Variants in IGSF8 observed in about 807,000 individuals in gnomAD.
IGSF8 encodes immunoglobulin superfamily member 8.
A neutral mutation model predicts 55.5 loss-of-function variants in IGSF8; 46 were observed. That is an observed-to-expected ratio of 0.83 (90% CI 0.65 to 1.06). The LOEUF (loss-of-function observed/expected upper bound fraction) is 1.06, where lower values mean the gene tolerates loss of function less well. Ranked by LOEUF, IGSF8 falls within the 50% of genes least tolerant of loss-of-function variation. IGSF8 has a pLI of 0.00. For synonymous variants in IGSF8, 314 were observed against 356.1 expected (o/e 0.88, Z 1.33); for missense variants, 731 against 832.3 (o/e 0.88, Z 1.50).
At chr1:160,097,983 G>A in intron 1 of IGSF8, 1 of 985,476 alleles carries the variant, frequency 1.0e-6, no homozygotes, top group Non-Finnish European at 1.2e-6. Flanking sequence ...TGGCCTCTGG[G>A]CCTCCAGCCA....
chr1:160,095,347 G>A, intron 1 of IGSF8, 101 bp from the exon 2 acceptor site: 1 of 1,238,994 alleles, frequency 8.1e-7, no homozygotes, highest in Non-Finnish European at 1.1e-6. Flanking sequence ...AAAAGGAAAG[G>A]AGACCTGGGA....
rs749168724 is a variant in IGSF8 at position 160,095,042 on chromosome 1, A to T, written c.269T>A (p.Val90Asp). ...ACCCGCCACCACTCGGGACTTGAAG[A>T]CAGCATAGGAGAACTGGGTATCCTT... Reference protein sequence around the residue: ...STKDTQFSYAVFKSRVVAGEV... With the variant: ...STKDTQFSYADFKSRVVAGEV... The change falls in exon 2 of 7, where the codon GTC (valine) becomes GAC (aspartate). Residue 90 changes from valine (V) to aspartate (D), a missense_variant. Physicochemically the swap from Val to Asp is radical, Grantham distance 152 (BLOSUM62 -3). Transcript: ENST00000314485. 14 of 1,614,050 alleles carry T rather than the reference A, an allele frequency of 8.7e-6. No individual in the cohort carries two copies. The highest frequency in any genetic ancestry group is 1.6e-4 in the Middle Eastern group (1 of 6,084).
In IGSF8 at chr1:160,093,313, G is replaced by C; in HGVS notation, c.923C>G (p.Thr308Arg). 1 of 1,588,848 alleles carries C rather than the reference G, an allele frequency of 6.3e-7. No individual in the cohort carries two copies. Among genetic ancestry groups the C allele is most frequent in the Non-Finnish European group, 8.6e-7 (1 of 1,160,552 alleles). Residue 308 changes from threonine to arginine, a missense_variant, in exon 4 of 7, where the codon ACA (threonine) becomes AGA (arginine). Coordinates refer to ENST00000314485, the MANE Select transcript of IGSF8 (RefSeq NM_052868.6). ...VQTLSSQLAVTVGPGERRIGP... is the reference protein window; with the variant it reads ...VQTLSSQLAVRVGPGERRIGP... ...GATCCGACGTTCACCAGGCCCCACT[G>C]TCACTGCCAGCTGGCTGGCTGAAAC...
intron 1 of IGSF8, among the ~76,000 whole-genome samples, chr1:160,096,574 A>G (rs964029044): frequency 3.9e-5 from 6 of 151,980 alleles, no homozygotes; most frequent in African/African-American, 1.5e-4. Flanking sequence ...GAACTTCCCC[A>G]CCCCTGCTTC....
In IGSF8 at chr1:160,094,110, T is replaced by G; in HGVS notation, c.504A>C (p.Pro168=). Residue 168 remains proline, a synonymous_variant, in exon 3 of 7, where the codon CCA becomes CCC. Coordinates refer to ENST00000314485, the MANE Select transcript of IGSF8 (RefSeq NM_052868.6). This position sits in a 1 kb window ranked among gnomAD's most constrained non-coding sequence, Gnocchi z 4.0. ...APPGPRGRQA[P]TSPPRMTVHE... ...GCACCGTCATGCGTGGGGGTGAGGT[T>G]GGGGCCTGGCGGCCTCGGGGCCCTG... The G allele has an allele frequency of 6.2e-7, 1 of 1,610,546 alleles. No individual in the cohort carries two copies. The highest frequency in any genetic ancestry group is 2.2e-5 in the East Asian group (1 of 44,886).
intron 1 of IGSF8, chr1:160,095,450 G>A: frequency 1.6e-6 from 1 of 609,670 alleles, no homozygotes; most frequent in South Asian, 2.1e-5. Context: ...CATGGGCCCA[G>A]GATTGCCTTG....
rs201485931 is a variant in IGSF8 at position 160,093,993 on chromosome 1, G to A, written c.621C>T (p.Pro207=). 46 of 1,614,108 alleles carry A rather than the reference G, an allele frequency of 2.8e-5. No individual in the cohort carries two copies. The highest frequency in any genetic ancestry group is 1.8e-4 in the East Asian group (8 of 44,902). ...GAGTTGACCGCCCAACTGGTGCCTC[G>A]GGCACAGATCGCCCAAAGGACACTG... The part of the protein sequence containing the change: ...HLAVSFGRSV[P]EAPVGRSTLQ... Residue 207 remains proline, a synonymous_variant, in exon 3 of 7, where the codon CCC becomes CCT. Transcript: ENST00000314485.
chr1:160,096,159 C>A (rs539453971), intron 1 of IGSF8, among the ~76,000 whole-genome samples: 2 of 152,286 alleles, frequency 1.3e-5, no homozygotes, highest in South Asian at 4.1e-4. Context: ...CAACCCTACC[C>A]CAGCAGATAC....
intron 1 of IGSF8, chr1:160,097,596 TC>T (rs1220616349): frequency 4.1e-6 from 3 of 737,768 alleles, no homozygotes; most frequent in Non-Finnish European, 5.0e-6. Flanking sequence ...GCCATACTCT[TC>T]CCCAGACCAC....
chr1:160,093,854 G>C lies in IGSF8; in HGVS notation c.760C>G (p.Arg254Gly). ...GCCTGGGCACCCCCTACTACCATGCGGTACCGATCGGTCCCTTCCTTGCCC... is the reference window on the plus strand; with the variant it reads ...GCCTGGGCACCCCCTACTACCATGCCGTACCGATCGGTCCCTTCCTTGCCC... ...RLGKEGTDRY[R>G]MVVGGAQAGD... The change falls in exon 3 of 7, where the codon CGC (arginine) becomes GGC (glycine). Residue 254 changes from arginine to glycine, a missense_variant. By Grantham distance (125) the Arg-to-Gly change is moderately radical. Transcript: ENST00000314485. 1 of 1,614,186 alleles carries C rather than the reference G, an allele frequency of 6.2e-7. No individual in the cohort carries two copies. Among genetic ancestry groups the C allele is most frequent in the South Asian group, 1.1e-5 (1 of 91,090 alleles).
In IGSF8 at chr1:160,093,714, C is replaced by T. The variant is rs376825787; in HGVS notation, c.900G>A (p.Thr300=). 20 of 1,599,830 alleles carry T rather than the reference C, an allele frequency of 1.3e-5. No individual in the cohort carries two copies. The highest frequency in any genetic ancestry group is 1.1e-4 in the African/African-American group (8 of 74,770). Residue 300 remains threonine, a synonymous_variant, in exon 3 of 7, where the codon ACG becomes ACA. Transcript: ENST00000314485. ...GGATGTATAAGTGGCACTTACACAGCGTCTGCACATCCACGTGGGCCAGGA... is the reference window on the plus strand; with the variant it reads ...GGATGTATAAGTGGCACTTACACAGTGTCTGCACATCCACGTGGGCCAGGA... The part of the protein sequence containing the change: ...RAVLAHVDVQ[T]LSSQLAVTVG...
In IGSF8 at chr1:160,091,873, C is replaced by T; in HGVS notation, c.1792G>A (p.Val598Ile). ...TGVALVTGATVLGTITCCFMK... is the reference protein window; with the variant it reads ...TGVALVTGATILGTITCCFMK... ...AAGCAGCAAGTGATGGTACCAAGGACAGTGGCACCAGTGACTAGGGCCACC... is the reference window on the plus strand; with the variant it reads ...AAGCAGCAAGTGATGGTACCAAGGATAGTGGCACCAGTGACTAGGGCCACC... Residue 598 changes from valine (V) to isoleucine (I), a missense_variant, in exon 6 of 7, where the codon GTC (valine) becomes ATC (isoleucine). Coordinates refer to ENST00000314485, the MANE Select transcript of IGSF8 (RefSeq NM_052868.6). 1 of 1,614,040 alleles carries T rather than the reference C, an allele frequency of 6.2e-7. No individual in the cohort carries two copies. The highest frequency in any genetic ancestry group is 8.5e-7 in the Non-Finnish European group (1 of 1,179,954).
rs772283759 is a variant in IGSF8, at chr1:160,093,915, G to A, written c.699C>T (p.Pro233=). ...RSDLAVEAGA[P]YAERLAAGEL... ...CCCCTGCAGCCAATCGCTCAGCATA[G>A]GGAGCTCCAGCCTCCACGGCCAAGT... is the stretch of plus-strand genomic sequence containing the variant. Residue 233 remains proline (P), a synonymous_variant, in exon 3 of 7, where the codon CCC becomes CCT. Transcript: ENST00000314485. 3.1e-6 allele frequency: 5 copies of A among 1,614,232 alleles called. No homozygotes were observed. In the East Asian group the frequency reaches 8.9e-5, roughly 29 times the overall value.
intron 1 of IGSF8, among the ~76,000 whole-genome samples, chr1:160,097,332 T>A (rs1365486496): frequency 6.6e-6 from 1 of 152,060 alleles, no homozygotes; most frequent in Non-Finnish European, 1.5e-5. Flanking sequence ...TCTCTGTACA[T>A]CCTCCTGCCA....
chr1:160,098,312 C>G lies in IGSF8; in HGVS notation c.64+97G>C, dbSNP rs1226627281. The G allele has an allele frequency of 7.4e-6, 11 of 1,477,042 alleles. No individual in the cohort carries two copies. The South Asian group carries it at 8.0e-5, about 11-fold the overall frequency. 91.5% of individuals were successfully genotyped at this position (1,477,042 alleles called of 1,614,324 possible). ...CCGGGGAGGCTGGAGGTACCCCTGA[C>G]GGAGGAGGATGTGAGGAGCCCCGAA... On this transcript the variant is annotated intron_variant, in intron 1 of 6. Transcript: ENST00000314485.
intron 4 of IGSF8, 39 bp downstream of exon 4, chr1:160,092,885 C>G: frequency 6.4e-7 from 1 of 1,558,212 alleles, no homozygotes; most frequent in South Asian, 1.2e-5. Flanking sequence ...AAGGGGTTGA[C>G]AATCCTCGAA....
At chr1:160,097,580 C>T (rs775548232) in intron 1 of IGSF8, 20 of 559,330 alleles carry the variant, frequency 3.6e-5, no homozygotes, top group Non-Finnish European at 4.5e-5. Context: ...GTTTCACTGT[C>T]TCCATGCCAT....
At chr1:160,097,851 A>G (rs950618137) in intron 1 of IGSF8, 1 of 985,488 alleles carries the variant, frequency 1.0e-6, no homozygotes, top group Non-Finnish European at 1.2e-6. Flanking sequence ...GGAGACAGGA[A>G]GAAGGGCAAA....
At position 160,098,453 on chromosome 1, in the gene IGSF8, G is replaced by C. The variant is rs561330703; in HGVS notation, c.20C>G (p.Thr7Arg). MGALRP[T>R]LLPPSLPLLL... Reference sequence around the variant, plus strand: ...CAGCGGCAGCGAAGGCGGCAGCAGCGTGGGCCTGAGGGCGCCCATCCTGCG... The same window carrying C: ...CAGCGGCAGCGAAGGCGGCAGCAGCCTGGGCCTGAGGGCGCCCATCCTGCG... The change falls in exon 1 of 7, where the codon ACG (threonine) becomes AGG (arginine). Residue 7 changes from threonine (T) to arginine (R), a missense_variant. Coordinates refer to ENST00000314485, the MANE Select transcript of IGSF8 (RefSeq NM_052868.6). The C allele has an allele frequency of 1.4e-5, 21 of 1,545,266 alleles. No individual in the cohort carries two copies. In the East Asian group the frequency reaches 4.7e-4, roughly 34 times the overall value.
Sources: gnomAD v4.1 joint callset for allele counts (sites outside exome capture counted in the v4.1 genomes callset) on GRCh38, gnomAD v4.1.1 for gene constraint, Gnocchi (gnomAD v3.1) non-coding constraint, MANE v1.5 for transcripts, NCBI Gene and HGNC (gene_info 2026-07-23, HGNC 2026-07-21) for gene names.